Variants in ESYT3 observed in about 807,000 individuals in gnomAD.
The protein encoded by ESYT3 is extended synaptotagmin-3.
In ESYT3, 101 loss-of-function variants were observed where a neutral mutation model predicts 111.5. The observed-to-expected ratio is 0.91, with a 90% CI of 0.77 to 1.07. The LOEUF (loss-of-function observed/expected upper bound fraction) is 1.07, where lower values mean the gene tolerates loss of function less well. Ranked by LOEUF, ESYT3 falls within the 50% of genes least tolerant of loss-of-function variation. ESYT3 has a pLI of 0.00. For synonymous variants in ESYT3, 416 were observed against 446.8 expected, an observed-to-expected ratio of 0.93 and a Z score of 0.87; for missense variants, 1,097 against 1,109.4, an observed-to-expected ratio of 0.99 and a Z score of 0.16.
At chr3:138,462,885 A>C (rs1457410258) in intron 8 of ESYT3, among the ~76,000 whole-genome samples, 1 of 151,830 alleles carries the variant, frequency 6.6e-6, no homozygotes, top group Non-Finnish European at 1.5e-5. Flanking sequence ...CTGGTCTCAA[A>C]CTCCTGGGCT....
rs1213032866 is a variant in ESYT3 at position 138,435,600 on chromosome 3, AG to A, written c.327+480del. On this transcript the variant is annotated intron_variant, in intron 1 of 22. Transcript: ENST00000389567. This position sits in a 1 kb window ranked among gnomAD's most constrained non-coding sequence, Gnocchi z 4.8. ...TTTCGGCCGAGGCCTGGACTGCGGT[AG>A]GGGGAGGGCTCCGCGGGGCTGGAGG... Among the ~76,000 whole-genome samples, 1 of 152,154 alleles carries A rather than the reference AG, an allele frequency of 6.6e-6. No individual in the cohort carries two copies. The highest frequency in any genetic ancestry group is 2.4e-5 in the African/African-American group (1 of 41,454).
chr3:138,452,010 G>C (rs780609254), intron 1 of ESYT3, 38 bp from the exon 2 acceptor site: 5 of 1,612,404 alleles, frequency 3.1e-6, no homozygotes, highest in Non-Finnish European at 3.4e-6. Flanking sequence ...CGGGTGTGCG[G>C]CTTCTAGTCT....
intron 1 of ESYT3, among the ~76,000 whole-genome samples, chr3:138,437,150 C>T (rs1576413079): frequency 6.6e-6 from 1 of 152,138 alleles, no homozygotes; most frequent in African/African-American, 2.4e-5. Flanking sequence ...AGGTGATGCT[C>T]TCTGTCCTAC....
At position 138,435,060 on chromosome 3, in the gene ESYT3, G is replaced by T. The variant is rs1459898698; in HGVS notation, c.262G>T (p.Glu88Ter). ...GCTTGGGCGCCTGGCCGCCGCCTTC[G>T]AATTCCTTGACAATGAACGCGAGTT... Reference protein sequence around the residue: ...GKLGRLAAAFEFLDNEREFIS... With the variant: ...GKLGRLAAAF The change falls in exon 1 of 23, where the codon GAA becomes TAA. Residue 88 changes from glutamate (E) to a stop codon, truncating the protein, a stop_gained. Transcript: ENST00000389567. LOFTEE classifies it high-confidence loss of function. The surrounding 1 kb of genome is among the most constrained non-coding windows in gnomAD (Gnocchi z 4.8). The T allele has an allele frequency of 5.0e-6, 8 of 1,593,854 alleles. No individual in the cohort carries two copies. The highest frequency in any genetic ancestry group is 6.8e-6 in the Non-Finnish European group (8 of 1,172,544).
chr3:138,444,651 C>G (rs1371456023), intron 1 of ESYT3, among the ~76,000 whole-genome samples: 1 of 152,220 alleles, frequency 6.6e-6, no homozygotes, highest in Non-Finnish European at 1.5e-5. Flanking sequence ...CTTCCTCCTG[C>G]CTGGCTACAG....
intron 12 of ESYT3, 86 bp from the exon 13 acceptor site, chr3:138,468,569 T>C: frequency 7.1e-7 from 1 of 1,414,078 alleles, no homozygotes; most frequent in Non-Finnish European, 1.0e-6. Context: ...TAGCTGGCTT[T>C]CTTCTGCCAT....
Position 138,476,851 on chromosome 3 carries a change from CTGA to C in ESYT3, c.*4_*6del. 1.2e-6 allele frequency: 2 copies of C among 1,613,706 alleles called. No individual in the cohort carries two copies. The highest frequency in any genetic ancestry group is 1.7e-6 in the Non-Finnish European group (2 of 1,179,662). On this transcript the variant is annotated stop_lost and inframe_deletion and stop_retained_variant, in exon 23 of 23. Coordinates refer to ENST00000389567, the MANE Select transcript of ESYT3 (RefSeq NM_031913.5). ...TGACTCCAAATGGACAGCCCAGAAG[CTGA>C]TGATGAGAATTCTTATCACTCACCT...
intron 2 of ESYT3, among the ~76,000 whole-genome samples, chr3:138,453,748 G>A (rs990078164): frequency 3.3e-5 from 5 of 152,158 alleles, no homozygotes; most frequent in Admixed American, 6.5e-5. Flanking sequence ...TTGCCCAGAG[G>A]CGCTGGGTCC....
At position 138,455,289 on chromosome 3, in the gene ESYT3, G is replaced by C. The variant is rs750113420; in HGVS notation, c.465G>C (p.Leu155=). 1.9e-6 allele frequency: 3 copies of C among 1,614,156 alleles called. No homozygotes were observed. In the African/African-American group the frequency reaches 4.0e-5, roughly 22 times the overall value. The change falls in exon 3 of 23, where the codon CTG becomes CTC. Residue 155 remains leucine (L), a synonymous_variant. Coordinates refer to ENST00000389567, the MANE Select transcript of ESYT3 (RefSeq NM_031913.5). Reference sequence around the variant, plus strand: ...AGATCCGAGAGAAGAGCATCCACCTGAGGACCTTTACCTTTACCAAGCTCT... The same window carrying C: ...AGATCCGAGAGAAGAGCATCCACCTCAGGACCTTTACCTTTACCAAGCTCT... ...EPKIREKSIH[L]RTFTFTKLYF...
At chr3:138,439,290 T>C (rs2030962114) in intron 1 of ESYT3, among the ~76,000 whole-genome samples, 2 of 152,162 alleles carry the variant, frequency 1.3e-5, no homozygotes, top group Admixed American at 1.3e-4. Context: ...AAGCTCGTCT[T>C]TCCAGCATCT....
intron 2 of ESYT3, among the ~76,000 whole-genome samples, chr3:138,453,813 C>T (rs538661642): frequency 6.6e-6 from 1 of 152,294 alleles, no homozygotes; most frequent in South Asian, 2.1e-4. Flanking sequence ...CCTGCTTCTT[C>T]CAAATTTACC....
intron 2 of ESYT3, 67 bp downstream of exon 2, chr3:138,452,156 C>A: frequency 6.6e-7 from 1 of 1,503,796 alleles, no homozygotes; most frequent in Non-Finnish European, 9.1e-7. Context: ...GCGGCTGTCA[C>A]CCCCACAGCC....
chr3:138,455,406 C>T, intron 3 of ESYT3, 78 bp downstream of exon 3: 1 of 1,534,392 alleles, frequency 6.5e-7, no homozygotes. Context: ...ACCTTTCTCC[C>T]ACCCAGGTCA....
chr3:138,475,804 C>T (rs2033452891), intron 20 of ESYT3, among the ~76,000 whole-genome samples: 2 of 152,188 alleles, frequency 1.3e-5, no homozygotes, highest in Admixed American at 6.5e-5. Context: ...TGGTGCATGC[C>T]TGTAATCCCA....
chr3:138,467,447 C>T (rs1245870243), intron 10 of ESYT3, 114 bp from the exon 11 acceptor site: 4 of 1,051,890 alleles, frequency 3.8e-6, no homozygotes, highest in Non-Finnish European at 5.9e-6. Context: ...GTAAGATCCT[C>T]TGTCTTAATG....
intron 22 of ESYT3, 112 bp from the exon 23 acceptor site, chr3:138,476,701 GAGAGA>G (rs2033500106): frequency 6.0e-6 from 7 of 1,176,350 alleles, no homozygotes; most frequent in Non-Finnish European, 7.5e-6. Context: ...CCAACTTACA[GAGAGA>G]CAGGTTCTGC....
At chr3:138,481,648 G>A (rs918086358), downstream of ESYT3, 27 of 151,248 alleles carry the variant, frequency 1.8e-4, no homozygotes, top group East Asian at 5.9e-4. Context: ...TTACAGGCAT[G>A]AGCCACCACG....
rs1418984773 is a variant in ESYT3, at chr3:138,465,381, C to T, written c.1129C>T (p.Leu377=). 5 of 1,597,632 alleles carry T rather than the reference C, an allele frequency of 3.1e-6. No individual in the cohort carries two copies. Among genetic ancestry groups the T allele is most frequent in the Middle Eastern group, 3.7e-4 (2 of 5,344 alleles). ...EVPGQDLEVD[L]YDEDTDRDDF... Reference sequence around the variant, plus strand: ...CCCTGGACAGGACCTGGAGGTAGACCTGTATGATGAGGATACCGACAGGGA... The same window carrying T: ...CCCTGGACAGGACCTGGAGGTAGACTTGTATGATGAGGATACCGACAGGGA... The change falls in exon 10 of 23, where the codon CTG becomes TTG. Residue 377 remains leucine (L), a synonymous_variant. Transcript: ENST00000389567.
Position 138,460,032 on chromosome 3 carries a change from C to A in ESYT3, c.736C>A (p.Pro246Thr). The stretch of plus-strand genomic sequence containing the variant: ...CGTGACTGTGTTCTTCCTTCAGAAG[C>A]CGGTGAGTCCCAAGGACTGCGGTAA... ...GAVTVFFLQK[P>T]HLQINWTGLT... Residue 246 changes from proline to threonine, a missense_variant and splice_region_variant, in exon 6 of 23, where the codon CCG becomes ACG. Coordinates refer to ENST00000389567, the MANE Select transcript of ESYT3 (RefSeq NM_031913.5). The A allele has an allele frequency of 6.2e-7, 1 of 1,614,048 alleles. No homozygotes were observed. The highest frequency in any genetic ancestry group is 8.5e-7 in the Non-Finnish European group (1 of 1,179,906).
Sources: gnomAD v4.1 joint callset for allele counts (sites outside exome capture counted in the v4.1 genomes callset) on GRCh38, gnomAD v4.1.1 for gene constraint, Gnocchi (gnomAD v3.1) non-coding constraint, MANE v1.5 for transcripts, NCBI Gene and HGNC (gene_info 2026-07-23, HGNC 2026-07-21) for gene names.